Variants in ZMYM4 observed in about 807,000 individuals in gnomAD.
ZMYM4 encodes zinc finger MYM-type protein 4.
ZMYM4 carries 31 observed loss-of-function variants against 183.2 expected under a neutral mutation model. That is an observed-to-expected ratio of 0.17 (90% confidence interval 0.13 to 0.23). The LOEUF (loss-of-function observed/expected upper bound fraction) is 0.23, where lower values mean the gene tolerates loss of function less well. ZMYM4 is among the 10% of genes least tolerant of loss of function. ZMYM4 has a pLI of 1.00. For synonymous variants in ZMYM4, 592 were observed against 631.2 expected (o/e 0.94, Z 0.93); for missense variants, 1,273 against 1,840.3 (o/e 0.69, Z 5.64).
At chr1:35,306,294 T>G (rs1174798020) in intron 1 of ZMYM4, among the ~76,000 whole-genome samples, 1 of 152,182 alleles carries the variant, frequency 6.6e-6, no homozygotes, top group East Asian at 1.9e-4. Flanking sequence ...TTCATTTATC[T>G]CTCTCCCTTC....
At chr1:35,284,447 T>G (rs1162903586) in intron 1 of ZMYM4, among the ~76,000 whole-genome samples, 1 of 152,216 alleles carries the variant, frequency 6.6e-6, no homozygotes, top group Non-Finnish European at 1.5e-5. Context: ...TAATCCATCT[T>G]GAGTTAATTT....
At chr1:35,314,117 A>G (rs746740737) in intron 1 of ZMYM4, among the ~76,000 whole-genome samples, 9 of 152,218 alleles carry the variant, frequency 5.9e-5, no homozygotes, top group Non-Finnish European at 7.3e-5. Context: ...CATGTTTGCT[A>G]TAGACTTTAG....
At chr1:35,320,748 A>G (rs2148810392) in intron 1 of ZMYM4, among the ~76,000 whole-genome samples, 1 of 152,294 alleles carries the variant, frequency 6.6e-6, no homozygotes, top group East Asian at 1.9e-4. Flanking sequence ...TGTCTGCTAG[A>G]TATTTGGTGT....
chr1:35,304,371 A>G (rs1641429895), intron 1 of ZMYM4, among the ~76,000 whole-genome samples: 1 of 152,018 alleles, frequency 6.6e-6, no homozygotes, highest in East Asian at 1.9e-4. Flanking sequence ...TTGATATTGT[A>G]ATTATCTTGT....
chr1:35,299,656 G>T (rs1166060521), intron 1 of ZMYM4, among the ~76,000 whole-genome samples: 1 of 152,000 alleles, frequency 6.6e-6, no homozygotes, highest in Non-Finnish European at 1.5e-5. Flanking sequence ...ACTTAGCCAG[G>T]AATCAGTCTG....
intron 23 of ZMYM4, among the ~76,000 whole-genome samples, chr1:35,399,828 A>G (rs1361518505): frequency 6.6e-6 from 1 of 151,966 alleles, no homozygotes; most frequent in African/African-American, 2.4e-5. Flanking sequence ...TTTTATAGTT[A>G]TTTTTTATGC....
chr1:35,308,810 G>A lies in ZMYM4; in HGVS notation c.40-16550G>A, dbSNP rs138366654. The stretch of plus-strand genomic sequence containing the variant: ...TGGGGGGTGGAGGTTGCAGTGAGCC[G>A]AGATCATGCCACTGCACTCCAGCCT... On this transcript the variant is annotated intron_variant, in intron 1 of 29. Transcript: ENST00000314607. 1.1e-4 allele frequency among the ~76,000 whole-genome samples: 16 copies of A among 152,244 alleles called. 2 individuals carry two copies. The highest frequency in any genetic ancestry group is 2.6e-4 in the African/African-American group (11 of 41,562).
chr1:35,420,740 G>A lies in ZMYM4; in HGVS notation c.*1063G>A, dbSNP rs910876124. On this transcript the variant is annotated 3_prime_UTR_variant, in exon 30 of 30. Transcript: ENST00000314607. Reference sequence around the variant, plus strand: ...TTCCACAAAGATACAGTATTACTTAGCTATCTGAATTATGATAGAAAAGGT... The same window carrying A: ...TTCCACAAAGATACAGTATTACTTAACTATCTGAATTATGATAGAAAAGGT... 1.3e-5 allele frequency: 2 copies of A among 152,560 alleles called. No homozygotes were observed. Among genetic ancestry groups the A allele is most frequent in the African/African-American group, 4.8e-5 (2 of 41,416 alleles). The allele number at this position is 152,560 out of a possible 1,614,324, so 9.5% of individuals were successfully genotyped here. A position where few individuals can be genotyped will look rare whatever the true frequency, so the allele number is the denominator to read the frequency against.
chr1:35,342,490 C>T (rs1258199834), intron 2 of ZMYM4, among the ~76,000 whole-genome samples: 3 of 152,028 alleles, frequency 2.0e-5, no homozygotes, highest in Non-Finnish European at 4.4e-5. Flanking sequence ...GAACTGTAAG[C>T]GTTTTGTGGG....
At chr1:35,352,297 A>G (rs1205028775) in intron 2 of ZMYM4, among the ~76,000 whole-genome samples, 1 of 150,308 alleles carries the variant, frequency 6.7e-6, no homozygotes, top group African/African-American at 2.5e-5. Flanking sequence ...ACACACACAC[A>G]CACACACACA....
At chr1:35,302,200 C>CTTTTTTTTTTTTTTTTTTTTTTTT (rs576277396) in intron 1 of ZMYM4, among the ~76,000 whole-genome samples, 6 of 58,550 alleles carry the variant, frequency 1.0e-4, no homozygotes, top group African/African-American at 3.2e-4. Context: ...ACGGCTCTTG[C>CTTTTTTTTTTTTTTTTTTTTTTTT]TTTTTTTTTT....
chr1:35,388,881 A>G lies in ZMYM4; in HGVS notation c.2264-29A>G, dbSNP rs758383740. On this transcript the variant is annotated intron_variant, in intron 13 of 29. Transcript: ENST00000314607. ...TGCAGAAAACTAATACTTCTACCTAATGTTAATTTTATCTTTCCTGATTTT... is the reference window on the plus strand; with the variant it reads ...TGCAGAAAACTAATACTTCTACCTAGTGTTAATTTTATCTTTCCTGATTTT... 4.0e-5 allele frequency: 65 copies of G among 1,606,928 alleles called. No individual in the cohort carries two copies. The South Asian group carries it at 7.0e-4, about 17-fold the overall frequency.
chr1:35,385,938 G>T, intron 10 of ZMYM4, 136 bp from the exon 11 acceptor site: 1 of 579,508 alleles, frequency 1.7e-6, no homozygotes. Context: ...GTCTATATGT[G>T]ACATGATTTA....
At chr1:35,296,184 CT>C (rs1037421132) in intron 1 of ZMYM4, among the ~76,000 whole-genome samples, 6 of 152,176 alleles carry the variant, frequency 3.9e-5, no homozygotes, top group African/African-American at 1.2e-4. Context: ...AGAATGACCC[CT>C]GGGCCTTCTC....
Position 35,389,605 on chromosome 1 carries a change from A to T in ZMYM4, c.2437-343A>T, listed in dbSNP as rs1644656320. ...CCGTCTCTACTAAAAATACAAAAAA[A>T]TTAGCTGGGTGTGGTGGCGGGCGCC... On this transcript the variant is annotated intron_variant, in intron 14 of 29. Coordinates refer to ENST00000314607, the MANE Select transcript of ZMYM4 (RefSeq NM_005095.3). This position sits in a 1 kb window ranked among gnomAD's most constrained non-coding sequence, Gnocchi z 4.0. Among the ~76,000 whole-genome samples the T allele has an allele frequency of 6.6e-6, 1 of 152,030 alleles. No individual in the cohort carries two copies. The highest frequency in any genetic ancestry group is 2.4e-5 in the African/African-American group (1 of 41,414).
rs372428075 is a variant in ZMYM4, at chr1:35,367,301, C to A, written c.841-2728C>A. Among the ~76,000 whole-genome samples, 3 of 151,842 alleles carry A rather than the reference C, an allele frequency of 2.0e-5. No individual in the cohort carries two copies. In the East Asian group the frequency reaches 5.9e-4, roughly 30 times the overall value. On this transcript the variant is annotated intron_variant, in intron 5 of 29. Coordinates refer to ENST00000314607, the MANE Select transcript of ZMYM4 (RefSeq NM_005095.3). ...ATGGTGCAATATTGGCTCGCTGCAACCTCTGCCCTCCCACCACCCTGGGTT... is the reference window on the plus strand; with the variant it reads ...ATGGTGCAATATTGGCTCGCTGCAAACTCTGCCCTCCCACCACCCTGGGTT...
rs774819254 is a variant in ZMYM4 at position 35,418,528 on chromosome 1, A to G, written c.4395A>G (p.Pro1465=). Residue 1465 remains proline, a synonymous_variant, in exon 29 of 30, where the codon CCA becomes CCG. Transcript: ENST00000314607. ...AGATGGCAGAGAATACTGACAATCC[A>G]CTAAGATGCCCAGTCCGACTTTATG... The part of the protein sequence containing the change: ...GVEMAENTDN[P]LRCPVRLYEF... 2.5e-6 allele frequency: 4 copies of G among 1,614,188 alleles called. No individual in the cohort carries two copies. Among genetic ancestry groups the G allele is most frequent in the Non-Finnish European group, 3.4e-6 (4 of 1,180,014 alleles).
Position 35,391,492 on chromosome 1 carries a change from G to A in ZMYM4, c.2588-720G>A, listed in dbSNP as rs989163744. Among the ~76,000 whole-genome samples, 212 of 152,060 alleles carry A rather than the reference G, an allele frequency of 1.4e-3. 2 individuals are homozygous for A. The highest frequency in any genetic ancestry group is 4.9e-3 in the African/African-American group (202 of 41,384). ...TCCTGAAAGCTAGAAGAATTTAAGTGTAGTCTCCTTACAAATAAAAGCAAA... is the reference window on the plus strand; with the variant it reads ...TCCTGAAAGCTAGAAGAATTTAAGTATAGTCTCCTTACAAATAAAAGCAAA... On this transcript the variant is annotated intron_variant, in intron 15 of 29. Coordinates refer to ENST00000314607, the MANE Select transcript of ZMYM4 (RefSeq NM_005095.3).
At chr1:35,344,277 C>T (rs1360901287) in intron 2 of ZMYM4, among the ~76,000 whole-genome samples, 1 of 152,072 alleles carries the variant, frequency 6.6e-6, no homozygotes, top group Non-Finnish European at 1.5e-5. Context: ...TGATCTTGAA[C>T]TCCTGGCCTC....
Sources: allele counts gnomAD v4.1 joint callset (sites outside exome capture counted in the v4.1 genomes callset), GRCh38; gene constraint gnomAD v4.1.1; non-coding constraint Gnocchi (gnomAD v3.1); transcripts MANE v1.5; gene names NCBI Gene and HGNC (gene_info 2026-07-23, HGNC 2026-07-21).